Variants in NEO1 observed in about 807,000 individuals in gnomAD.
The protein encoded by NEO1 is neogenin.
Under a neutral mutation model 159.7 loss-of-function variants are expected in NEO1, and 63 were observed. The ratio of observed to expected loss-of-function variants is 0.39; its 90% CI spans 0.32 to 0.49. The LOEUF is 0.49. NEO1 is among the 20% of genes least tolerant of loss of function. NEO1 has a pLI of 0.85. For missense variants in NEO1, 1,615 were observed against 1,831.0 expected (o/e 0.88, Z 2.15); for synonymous variants, 633 against 662.0 (o/e 0.96, Z 0.67).
chr15:73,130,763 C>T (rs1027627033), intron 4 of NEO1, among the ~76,000 whole-genome samples: 1 of 152,238 alleles, frequency 6.6e-6, no homozygotes, highest in Non-Finnish European at 1.5e-5. Flanking sequence ...TAAGAGGCAA[C>T]CCTTCCCTTC....
chr15:73,151,068 A>G (rs941215142), intron 5 of NEO1, among the ~76,000 whole-genome samples: 1 of 152,160 alleles, frequency 6.6e-6, no homozygotes, highest in African/African-American at 2.4e-5. Flanking sequence ...TCCTACCAAC[A>G]GTGTATGTGA....
chr15:73,152,678 G>A (rs1028758285), intron 5 of NEO1, among the ~76,000 whole-genome samples: 31 of 152,284 alleles, frequency 2.0e-4, no homozygotes, highest in African/African-American at 6.3e-4. Flanking sequence ...CCGGTTGGGG[G>A]TGGGAGGAAT....
intron 5 of NEO1, 67 bp from the exon 6 acceptor site, chr15:73,176,336 G>A: frequency 9.5e-7 from 1 of 1,050,596 alleles, no homozygotes; most frequent in Non-Finnish European, 1.3e-6. Flanking sequence ...TTTAAAAATT[G>A]GTTGAAATAT....
At chr15:73,182,053 C>T (rs928066689) in intron 7 of NEO1, among the ~76,000 whole-genome samples, 1 of 151,250 alleles carries the variant, frequency 6.6e-6, no homozygotes, top group Non-Finnish European at 1.5e-5. Flanking sequence ...CAAGGAGGAG[C>T]GAGTCACATC....
intron 5 of NEO1, among the ~76,000 whole-genome samples, chr15:73,163,499 T>C (rs1596212901): frequency 6.6e-6 from 1 of 152,200 alleles, no homozygotes; most frequent in African/African-American, 2.4e-5. Flanking sequence ...CATTAGCAGA[T>C]ATTATATCAT....
chr15:73,300,730 C>CA (rs944839882), intron 27 of NEO1, among the ~76,000 whole-genome samples: 18 of 150,328 alleles, frequency 1.2e-4, no homozygotes, highest in East Asian at 1.9e-4. Flanking sequence ...GACTCCGTCT[C>CA]AAAAAAAAAG....
chr15:73,289,229 CCACCCCAGCGTAAGTAGA>C lies in NEO1; in HGVS notation c.3734_3742+9del. The C allele has an allele frequency of 6.2e-7, 1 of 1,613,944 alleles. No homozygotes were observed. The highest frequency in any genetic ancestry group is 1.7e-5 in the Admixed American group (1 of 60,010). On this transcript the variant is annotated splice_donor_variant and splice_donor_5th_base_variant and coding_sequence_variant and intron_variant, in exon 25 of 29. Transcript: ENST00000261908. LOFTEE classifies it high-confidence loss of function. The stretch of plus-strand genomic sequence containing the variant: ...AATGATGATGCCCTTTGACTCCCAG[CCACCCCAGCGTAAGTAGA>C]AGCATCTCTTTTCCTCAGTGCTACC...
intron 26 of NEO1, among the ~76,000 whole-genome samples, chr15:73,296,118 T>C (rs1211520095): frequency 1.3e-5 from 2 of 152,166 alleles, no homozygotes; most frequent in Admixed American, 1.3e-4. Flanking sequence ...ATTTTCCTTT[T>C]TCACCTTTTG....
chr15:73,301,026 A>G (rs1475267063), intron 27 of NEO1, among the ~76,000 whole-genome samples: 1 of 152,232 alleles, frequency 6.6e-6, no homozygotes, highest in East Asian at 1.9e-4. Flanking sequence ...ATGTCTTACT[A>G]TAAAGAGAGC....
chr15:73,244,296 G>T (rs757949865), intron 8 of NEO1, 48 bp from the exon 9 acceptor site: 23 of 1,564,900 alleles, frequency 1.5e-5, no homozygotes, highest in Non-Finnish European at 1.8e-5. Flanking sequence ...GTACATTCTG[G>T]AAGTATTCCT....
chr15:73,287,184 A>G (rs1158218372), intron 23 of NEO1, among the ~76,000 whole-genome samples: 4 of 152,132 alleles, frequency 2.6e-5, no homozygotes, highest in Non-Finnish European at 5.9e-5. Context: ...TCCTTCTAAT[A>G]TACCACCAGG....
chr15:73,100,776 A>C (rs2070360925), intron 1 of NEO1, among the ~76,000 whole-genome samples: 1 of 152,106 alleles, frequency 6.6e-6, no homozygotes, highest in Non-Finnish European at 1.5e-5. Context: ...ACAGTTACCA[A>C]CGTCAGCTGG....
At chr15:73,181,264 T>C (rs760722316) in intron 7 of NEO1, among the ~76,000 whole-genome samples, 5 of 152,174 alleles carry the variant, frequency 3.3e-5, no homozygotes, top group Non-Finnish European at 5.9e-5. Flanking sequence ...AACAATGCCA[T>C]GTGTAATGAG....
intron 25 of NEO1, among the ~76,000 whole-genome samples, chr15:73,291,302 T>C (rs1337823581): frequency 6.6e-6 from 1 of 152,254 alleles, no homozygotes; most frequent in Non-Finnish European, 1.5e-5. Context: ...ACTATCTTTA[T>C]TTCTAGATGT....
intron 7 of NEO1, among the ~76,000 whole-genome samples, chr15:73,217,464 A>C (rs1322773415): frequency 1.3e-5 from 2 of 151,782 alleles, no homozygotes; most frequent in Non-Finnish European, 2.9e-5. Context: ...CAATTCTGTG[A>C]AGAAAGTCAT....
chr15:73,286,904 A>G (rs1011151850), intron 23 of NEO1, among the ~76,000 whole-genome samples: 3 of 152,192 alleles, frequency 2.0e-5, no homozygotes. Flanking sequence ...AGATTGCAGT[A>G]GCATCCTAGC....
At chr15:73,282,843 T>A in intron 22 of NEO1, 121 bp from the exon 23 acceptor site, 1 of 1,206,156 alleles carries the variant, frequency 8.3e-7, no homozygotes, top group Non-Finnish European at 1.2e-6. Context: ...CACTTTTATA[T>A]AAGTCAGAGC....
rs1227415361 is a variant in NEO1 at position 73,178,293 on chromosome 15, C to G, written c.1171-14C>G. On this transcript the variant is annotated splice_polypyrimidine_tract_variant and intron_variant, in intron 6 of 28. Transcript: ENST00000261908. ...ATTAAATTATGTAATTTTATTTATG[C>G]TTTTCTTCTTCAGAAGGAACATAAT... The G allele has an allele frequency of 1.9e-6, 3 of 1,604,754 alleles. 1 individual carries two copies. Among genetic ancestry groups the G allele is most frequent in the Non-Finnish European group, 2.6e-6 (3 of 1,174,310 alleles).
At chr15:73,194,178 A>C (rs1466132612) in intron 7 of NEO1, among the ~76,000 whole-genome samples, 1 of 152,134 alleles carries the variant, frequency 6.6e-6, no homozygotes, top group Non-Finnish European at 1.5e-5. Flanking sequence ...AGATGTGTTG[A>C]GTGGCTTTAG....
Sources: gnomAD v4.1 joint callset for allele counts (sites outside exome capture counted in the v4.1 genomes callset) on GRCh38, gnomAD v4.1.1 for gene constraint, MANE v1.5 for transcripts, NCBI Gene and HGNC (gene_info 2026-07-23, HGNC 2026-07-21) for gene names.